FAF1: variants seen among roughly 807,000 people sequenced by gnomAD.
The protein encoded by FAF1 is FAS-associated factor 1.
In FAF1, 25 loss-of-function variants were observed where a neutral mutation model predicts 92.5. The observed-to-expected ratio is 0.27, with a 90% confidence interval of 0.20 to 0.38. The LOEUF (loss-of-function observed/expected upper bound fraction) is 0.38. Among genes scored for constraint, FAF1 ranks in the 10% least tolerant of loss-of-function variants. The pLI is 1.00. For synonymous variants in FAF1, 234 were observed against 273.2 expected, an observed-to-expected ratio of 0.86 and a Z score of 1.42; for missense variants, 636 against 793.3, an observed-to-expected ratio of 0.80 and a Z score of 2.38.
intron 18 of FAF1, among the ~76,000 whole-genome samples, chr1:50,443,294 G>T (rs1646191239): frequency 6.6e-6 from 1 of 152,194 alleles, no homozygotes; most frequent in Non-Finnish European, 1.5e-5. Flanking sequence ...GTTGTCATAT[G>T]CAAGATTAGA....
At chr1:50,956,375 T>C (rs1645266826) in intron 1 of FAF1, among the ~76,000 whole-genome samples, 1 of 152,130 alleles carries the variant, frequency 6.6e-6, no homozygotes, top group Non-Finnish European at 1.5e-5. Flanking sequence ...CAAAAAAAAA[T>C]ACAAAAATCC....
At chr1:50,501,660 C>CAA (rs543026675) in intron 15 of FAF1, among the ~76,000 whole-genome samples, 431 of 106,198 alleles carry the variant, frequency 4.1e-3, no homozygotes, top group Non-Finnish European at 5.8e-3. Flanking sequence ...GACTCCGTCT[C>CAA]AAAAAAAAAA....
chr1:50,929,862 TTC>T (rs1391610620), intron 1 of FAF1, among the ~76,000 whole-genome samples: 2 of 152,256 alleles, frequency 1.3e-5, no homozygotes, highest in African/African-American at 2.4e-5. Context: ...CTTATAAGTA[TTC>T]TGTCTTACCA....
At position 50,932,731 on chromosome 1, in the gene FAF1, A is replaced by T. The variant is rs547243703; in HGVS notation, c.45+27036T>A. Reference sequence around the variant, plus strand: ...GTGACCTAGCAGGGACTCTGTGTGGAGGCTCTGACCCCACATTTCCCTTCC... The same window carrying T: ...GTGACCTAGCAGGGACTCTGTGTGGTGGCTCTGACCCCACATTTCCCTTCC... On this transcript the variant is annotated intron_variant, in intron 1 of 18. Transcript: ENST00000396153. 3.7e-4 allele frequency among the ~76,000 whole-genome samples: 56 copies of T among 152,296 alleles called. No homozygotes were observed. The East Asian group carries it at 0.011, about 29-fold the overall frequency.
intron 1 of FAF1, among the ~76,000 whole-genome samples, chr1:50,872,064 C>CAAAAAAA (rs200142842): frequency 1.1e-4 from 7 of 65,426 alleles, no homozygotes; most frequent in Admixed American, 1.7e-4. Context: ...GACTCCATCT[C>CAAAAAAA]AAAAAAAAAA....
chr1:50,508,220 A>C (rs986336651), intron 15 of FAF1, among the ~76,000 whole-genome samples: 36 of 152,196 alleles, frequency 2.4e-4, no homozygotes, highest in African/African-American at 8.4e-4. Context: ...TGACCCAACA[A>C]CTGTACTTCT....
chr1:50,578,525 G>A (rs1650853742), intron 12 of FAF1, among the ~76,000 whole-genome samples: 2 of 152,092 alleles, frequency 1.3e-5, no homozygotes, highest in African/African-American at 2.4e-5. Flanking sequence ...AAGTGTGGTG[G>A]GATAGTGTAA....
intron 2 of FAF1, among the ~76,000 whole-genome samples, chr1:50,845,768 G>A (rs1644293576): frequency 6.6e-6 from 1 of 151,936 alleles, no homozygotes; most frequent in Admixed American, 6.5e-5. Flanking sequence ...AATTTCCTGG[G>A]AGAAATAAAC....
chr1:50,537,165 G>A (rs1438903981), intron 14 of FAF1, among the ~76,000 whole-genome samples: 4 of 152,068 alleles, frequency 2.6e-5, no homozygotes, highest in South Asian at 2.1e-4. Context: ...GCTAAGACTC[G>A]GAGCATGGGA....
intron 6 of FAF1, among the ~76,000 whole-genome samples, chr1:50,713,168 A>T (rs891620236): frequency 1.3e-5 from 2 of 151,388 alleles, no homozygotes; most frequent in Non-Finnish European, 2.9e-5. Flanking sequence ...AAAAAAAAAA[A>T]AAAAAAAAAA....
At chr1:50,731,756 A>G (rs926582043) in intron 6 of FAF1, among the ~76,000 whole-genome samples, 1 of 152,058 alleles carries the variant, frequency 6.6e-6, no homozygotes, top group Non-Finnish European at 1.5e-5. Flanking sequence ...GTACCTAGCA[A>G]TCTCATTTAT....
intron 13 of FAF1, among the ~76,000 whole-genome samples, chr1:50,542,260 T>C (rs1572820567): frequency 6.6e-6 from 1 of 152,330 alleles, no homozygotes; most frequent in East Asian, 1.9e-4. Context: ...GTAGGGCTGA[T>C]GGACAGTATG....
intron 8 of FAF1, among the ~76,000 whole-genome samples, chr1:50,639,679 T>C (rs752600944): frequency 7.2e-5 from 11 of 152,132 alleles, no homozygotes; most frequent in Non-Finnish European, 1.6e-4. Flanking sequence ...CTAACGCCTG[T>C]AATCCCAGCA....
rs149716056 is a variant in FAF1, at chr1:50,594,500, T to A, written c.840+1621A>T. Among the ~76,000 whole-genome samples, 75 of 151,984 alleles carry A rather than the reference T, an allele frequency of 4.9e-4. No homozygotes were observed. In the East Asian group the frequency reaches 7.9e-3, roughly 16 times the overall value. ...CTTTCCCATTTCCTTATAACCATGG[T>A]CAGAGTTGGGCATGAAAGTGCTGTT... On this transcript the variant is annotated intron_variant, in intron 9 of 18. Coordinates refer to ENST00000396153, the MANE Select transcript of FAF1 (RefSeq NM_007051.3).
chr1:50,957,546 G>A (rs1388459835), intron 1 of FAF1, among the ~76,000 whole-genome samples: 3 of 151,548 alleles, frequency 2.0e-5, no homozygotes, highest in Non-Finnish European at 4.4e-5. Flanking sequence ...GTAGAGACCG[G>A]GTTTCGCCAT....
intron 2 of FAF1, among the ~76,000 whole-genome samples, chr1:50,812,930 A>G (rs1256241027): frequency 6.6e-6 from 1 of 152,184 alleles, no homozygotes. Flanking sequence ...AGCAACACGG[A>G]TGGTGCTGGA....
chr1:50,568,335 C>T (rs1184085691), intron 12 of FAF1, among the ~76,000 whole-genome samples: 2 of 152,036 alleles, frequency 1.3e-5, no homozygotes, highest in African/African-American at 4.8e-5. Flanking sequence ...TGAAAATTTG[C>T]TGTGTGGGAT....
rs1365990230 is a variant in FAF1, at chr1:50,736,923, CTAT to C, written c.551+1937_551+1939del. On this transcript the variant is annotated intron_variant, in intron 6 of 18. Transcript: ENST00000396153. ...ACAAAATCAGCTTTCAATATATATG[CTAT>C]TTTAAAAATCTCTAGTTTTATAGAA... Among the ~76,000 whole-genome samples, 53 of 152,074 alleles carry C rather than the reference CTAT, an allele frequency of 3.5e-4. 1 individual carries two copies. The East Asian group carries it at 0.01, about 29-fold the overall frequency.
chr1:50,568,621 G>T (rs1366087399), intron 12 of FAF1, among the ~76,000 whole-genome samples: 1 of 152,086 alleles, frequency 6.6e-6, no homozygotes, highest in Non-Finnish European at 1.5e-5. Flanking sequence ...CTTTAAAATA[G>T]CATCCTTAAC....
Sources: gnomAD v4.1 joint callset for allele counts (sites outside exome capture counted in the v4.1 genomes callset) on GRCh38, gnomAD v4.1.1 for gene constraint, MANE v1.5 for transcripts, NCBI Gene and HGNC (gene_info 2026-07-23, HGNC 2026-07-21) for gene names.